ITGA10: variants seen among roughly 807,000 people sequenced by gnomAD.
The protein encoded by ITGA10 is integrin alpha-10.
In ITGA10, 105 loss-of-function variants were observed where a neutral mutation model predicts 145.2. The observed-to-expected ratio is 0.72, with a 90% CI of 0.62 to 0.85. The LOEUF (loss-of-function observed/expected upper bound fraction) is 0.85, where lower values mean the gene tolerates loss of function less well. ITGA10 is among the 40% of genes least tolerant of loss of function. ITGA10 has a pLI of 0.00. For synonymous variants in ITGA10, 506 were observed against 557.8 expected (o/e 0.91, Z 1.31); for missense variants, 1,317 against 1,444.5 (o/e 0.91, Z 1.43).
chr1:145,892,769 G>C lies in ITGA10; in HGVS notation c.*29C>G, dbSNP rs1553743595. On this transcript the variant is annotated 3_prime_UTR_variant, in exon 30 of 30. Transcript: ENST00000369304. ...GCAAGTCTCTTGAAGAAGCTGCCAG[G>C]GAGGACTTTCTAGACCCTTATTCTA... The C allele has an allele frequency of 7.7e-6, 12 of 1,555,096 alleles. No homozygotes were observed. In the Admixed American group the frequency reaches 2.0e-4, roughly 26 times the overall value.
intron 1 of ITGA10, among the ~76,000 whole-genome samples, chr1:145,908,934 C>T (rs1307531488): frequency 1.3e-5 from 2 of 152,226 alleles, no homozygotes; most frequent in Non-Finnish European, 2.9e-5. Flanking sequence ...AGACTAGCCA[C>T]GTGGAAGGTC....
chr1:145,893,208 G>A lies in ITGA10; in HGVS notation c.3391C>T (p.Leu1131=), dbSNP rs1553743769. The A allele has an allele frequency of 1.2e-6, 2 of 1,614,112 alleles. No individual in the cohort carries two copies. The highest frequency in any genetic ancestry group is 1.1e-5 in the South Asian group (1 of 91,070). Residue 1131 remains leucine, a synonymous_variant, in exon 29 of 30, where the codon CTG becomes TTG. Transcript: ENST00000369304. ...AGAGCAAGCAGGAGCAACCCTCCCAGGACACTGCCTATGAGGATCCACAGG... is the reference window on the plus strand; with the variant it reads ...AGAGCAAGCAGGAGCAACCCTCCCAAGACACTGCCTATGAGGATCCACAGG... ...ISLWILIGSV[L]GGLLLLALLV...
At position 145,904,710 on chromosome 1, in the gene ITGA10, G is replaced by A; in HGVS notation, c.583C>T (p.Leu195=). 1 of 1,613,928 alleles carries A rather than the reference G, an allele frequency of 6.2e-7. No homozygotes were observed. Among genetic ancestry groups the A allele is most frequent in the Non-Finnish European group, 8.5e-7 (1 of 1,179,900 alleles). Residue 195 remains leucine (L), a synonymous_variant, in exon 6 of 30, where the codon CTG becomes TTG. Transcript: ENST00000369304. The stretch of plus-strand genomic sequence containing the variant: ...TGTATCTGTTCTGGGTCAATAAACA[G>A]TTTCCCTACCAGTCTTCGTAGGAAG... ...QTFLRRLVGK[L]FIDPEQIQVG...
chr1:145,900,221 C>T (rs1002730456), intron 14 of ITGA10, 34 bp from the exon 15 acceptor site: 4 of 1,571,008 alleles, frequency 2.5e-6, no homozygotes, highest in Non-Finnish European at 2.6e-6. Flanking sequence ...GAGGCAGGGA[C>T]CCATACACCT....
intron 14 of ITGA10, among the ~76,000 whole-genome samples, chr1:145,900,573 C>T (rs1217497581): frequency 1.3e-5 from 2 of 152,116 alleles, no homozygotes; most frequent in African/African-American, 4.8e-5. Flanking sequence ...ATGCCTTGCT[C>T]TTTATAATGC....
intron 14 of ITGA10, 98 bp from the exon 15 acceptor site, chr1:145,900,285 G>C: frequency 1.5e-6 from 2 of 1,330,468 alleles, no homozygotes; most frequent in Admixed American, 2.4e-5. Context: ...ATTTATTTTT[G>C]AGATGGAGTT....
Position 145,902,572 on chromosome 1 carries a change from C to G in ITGA10, c.957G>C (p.Leu319=). The G allele has an allele frequency of 3.1e-6, 5 of 1,613,176 alleles. No homozygotes were observed. The highest frequency in any genetic ancestry group is 4.2e-6 in the Non-Finnish European group (5 of 1,179,666). Residue 319 remains leucine, a synonymous_variant, in exon 9 of 30, where the codon CTG becomes CTC. Coordinates refer to ENST00000369304, the MANE Select transcript of ITGA10 (RefSeq NM_003637.5). ...CACTGGCAATAGTTCTAATTTCTCT[C>G]AGGAAAGAGCTGGGATCTCGCTGCC... ...LRRQRDPSSF[L]REIRTIASDP... is the part of the protein sequence containing the mutation.
intron 4 of ITGA10, 80 bp from the exon 5 acceptor site, chr1:145,906,588 A>G: frequency 7.4e-7 from 1 of 1,354,966 alleles, no homozygotes; most frequent in Non-Finnish European, 1.1e-6. Context: ...AGGCATGAAG[A>G]CTACTCCCTG....
rs782764831 is a variant in ITGA10 at position 145,907,109 on chromosome 1, C to T, written c.206G>A (p.Arg69Gln). The change falls in exon 3 of 30, where the codon CGG (arginine) becomes CAG (glutamine). Residue 69 changes from arginine (R) to glutamine (Q), a missense_variant. Physicochemically the swap from Arg to Gln is conservative, Grantham distance 43. Transcript: ENST00000369304. ...GAPWDGPSGD[R>Q]RGDVYRCPVG... ...AGGGCAGCGATAAACGTCCCCCCTC[C>T]GGTCGCCTGAAGGCCCATCCCAGGG... 2.4e-5 allele frequency: 37 copies of T among 1,563,904 alleles called. No individual in the cohort carries two copies. Among genetic ancestry groups the T allele is most frequent in the South Asian group, 1.4e-4 (12 of 84,966 alleles).
In ITGA10 at chr1:145,900,739, C is replaced by T. The variant is rs373174316; in HGVS notation, c.1791+51G>A. 90 of 1,565,830 alleles carry T rather than the reference C, an allele frequency of 5.7e-5. No individual in the cohort carries two copies. The African/African-American group carries it at 1.1e-3, about 19-fold the overall frequency. Reference sequence around the variant, plus strand: ...ACTATTGACAAGCAAAGAGCATCCCCCTATTCCTCTTCCTACAACCGTGCC... The same window carrying T: ...ACTATTGACAAGCAAAGAGCATCCCTCTATTCCTCTTCCTACAACCGTGCC... On this transcript the variant is annotated intron_variant, in intron 14 of 29. Transcript: ENST00000369304.
rs782181901 is a variant in ITGA10 at position 145,895,247 on chromosome 1, G to C, written c.3228+33C>G. The C allele has an allele frequency of 2.5e-5, 36 of 1,467,438 alleles. No homozygotes were observed. In the South Asian group the frequency reaches 3.9e-4, roughly 16 times the overall value. 90.9% of individuals were successfully genotyped at this position (1,467,438 alleles called of 1,614,324 possible). ...TATGCTAAAGTTCCAGAAAGGAGCAGAAGTGGGGAGTACTAGAAAAGGAAA... is the reference window on the plus strand; with the variant it reads ...TATGCTAAAGTTCCAGAAAGGAGCACAAGTGGGGAGTACTAGAAAAGGAAA... On this transcript the variant is annotated intron_variant, in intron 27 of 29. Coordinates refer to ENST00000369304, the MANE Select transcript of ITGA10 (RefSeq NM_003637.5).
intron 27 of ITGA10, 92 bp from the exon 28 acceptor site, chr1:145,893,727 A>ACCTC (rs1655007147): frequency 1.0e-6 from 1 of 957,476 alleles, no homozygotes; most frequent in Non-Finnish European, 1.6e-6. Context: ...TGAGGCTGAG[A>ACCTC]GGCATAATGT....
rs781840339 is a variant in ITGA10 at position 145,909,980 on chromosome 1, G to T, written c.35C>A (p.Pro12His). 6.2e-7 allele frequency: 1 copy of T among 1,613,380 alleles called. No homozygotes were observed. Among genetic ancestry groups the T allele is most frequent in the Admixed American group, 1.7e-5 (1 of 59,992 alleles). The change falls in exon 1 of 30, where the codon CCC becomes CAC. Residue 12 changes from proline to histidine, a missense_variant. By Grantham distance (77) the Pro-to-His change is moderately conservative. Transcript: ENST00000369304. ...ELPFVTHLFL[P>H]LVFLTGLCSP... ...TCCCTCACCTGTCAGGAACACCAGG[G>T]GCAAGAACAGGTGAGTGACGAAGGG...
At position 145,892,619 on chromosome 1, in the gene ITGA10, G is replaced by C; in HGVS notation, c.*179C>G. 1 of 546,250 alleles carries C rather than the reference G, an allele frequency of 1.8e-6. No homozygotes were observed. The highest frequency in any genetic ancestry group is 2.8e-5 in the South Asian group (1 of 36,278). The allele number at this position is 546,250 out of a possible 1,614,324, so 33.8% of individuals were successfully genotyped here. A position where few individuals can be genotyped will look rare whatever the true frequency, so the allele number is the denominator to read the frequency against. On this transcript the variant is annotated 3_prime_UTR_variant, in exon 30 of 30. Coordinates refer to ENST00000369304, the MANE Select transcript of ITGA10 (RefSeq NM_003637.5). ...TTTGGTGCCAGCTCTTCTTGTCTGA[G>C]GTAAAGCCTCATCTCTAGCCAGCAG...
rs1553746515 is a variant in ITGA10, at chr1:145,898,965, T to C, written c.2203A>G (p.Thr735Ala). 1 of 1,614,098 alleles carries C rather than the reference T, an allele frequency of 6.2e-7. No homozygotes were observed. The highest frequency in any genetic ancestry group is 1.7e-5 in the Admixed American group (1 of 60,008). The change falls in exon 17 of 30, where the codon ACT becomes GCT. Residue 735 changes from threonine to alanine, a missense_variant. Thr to Ala is a moderately conservative substitution (Grantham distance 58). Coordinates refer to ENST00000369304, the MANE Select transcript of ITGA10 (RefSeq NM_003637.5). ...RRLRLSVGNV[T>A]CEQLHFHVLD... ...ACATGGAAGTGTAGCTGCTCACAAG[T>C]GACATTCCCCACACTGAGCCGGAGC... is the stretch of plus-strand genomic sequence containing the variant.
chr1:145,902,706 T>C (rs1167501661), intron 8 of ITGA10, 87 bp from the exon 9 acceptor site: 50 of 1,537,440 alleles, frequency 3.3e-5, no homozygotes, highest in Non-Finnish European at 3.9e-5. Context: ...GTCTGGGAAG[T>C]AGTTAATGCC....
rs1654991167 is a variant in ITGA10 at position 145,893,611 on chromosome 1, CCA to C, written c.3251_3252del (p.Val1084GlyfsTer5). ...TCGGTTCCCAGCTCAAAGGTGCTGA[CCA>C]CCGTCAGGGACTTGAACTTGGCCTA... Reference protein sequence around the residue: ...FRRAKFKSLTVVSTFELGTEE... With the variant: ...FRRAKFKSLTXVSTFELGTEE... On this transcript the variant is annotated frameshift_variant, in exon 28 of 30. Transcript: ENST00000369304. LOFTEE classifies it high-confidence loss of function. The C allele has an allele frequency of 6.2e-7, 1 of 1,613,186 alleles. No individual in the cohort carries two copies. The highest frequency in any genetic ancestry group is 1.1e-5 in the South Asian group (1 of 90,878).
Position 145,893,542 on chromosome 1 carries a change from C to T in ITGA10, c.3322G>A (p.Glu1108Lys). 3 of 1,609,076 alleles carry T rather than the reference C, an allele frequency of 1.9e-6. No individual in the cohort carries two copies. The highest frequency in any genetic ancestry group is 2.5e-6 in the Non-Finnish European group (3 of 1,177,412). Reference sequence around the variant, plus strand: ...TCAGACTCGGTCTCCAGCCCTACCTCACTCCAACGGGAGGCTTCAGTCAGC... The same window carrying T: ...TCAGACTCGGTCTCCAGCCCTACCTTACTCCAACGGGAGGCTTCAGTCAGC... ...LQLTEASRWS[E>K]SLLEVVQTRP... is the part of the protein sequence containing the mutation. The change falls in exon 28 of 30, where the codon GAG becomes AAG. Residue 1108 changes from glutamate to lysine, a missense_variant and splice_region_variant. Physicochemically the swap from Glu to Lys is moderately conservative, Grantham distance 56 (BLOSUM62 1). Transcript: ENST00000369304.
intron 1 of ITGA10, among the ~76,000 whole-genome samples, chr1:145,907,971 C>T (rs587730183): frequency 2.6e-5 from 4 of 151,788 alleles, no homozygotes; most frequent in South Asian, 2.1e-4. Flanking sequence ...GGAGTTTCAC[C>T]GTGTTAGCCA....
Sources: allele counts gnomAD v4.1 joint callset (sites outside exome capture counted in the v4.1 genomes callset), GRCh38; gene constraint gnomAD v4.1.1; transcripts MANE v1.5; gene names NCBI Gene and HGNC (gene_info 2026-07-23, HGNC 2026-07-21).